The following PSME4 variants were observed in gnomAD, a reference collection of about 807,000 sequenced individuals.
PSME4 encodes the protein proteasome activator subunit 4.
PSME4 carries 89 observed loss-of-function variants against 253.9 expected under a neutral mutation model. The ratio of observed to expected loss-of-function variants is 0.35; its 90% CI spans 0.30 to 0.42. The LOEUF (loss-of-function observed/expected upper bound fraction) is 0.42, where lower values mean the gene tolerates loss of function less well. PSME4 is among the 10% of genes least tolerant of loss of function. The pLI, the probability that PSME4 is intolerant of heterozygous loss-of-function variation, is 1.00. For synonymous variants in PSME4, 851 were observed against 759.2 expected (o/e 1.12, Z -1.99); for missense variants, 2,014 against 2,195.2 (o/e 0.92, Z 1.65).
chr2:53,886,337 A>G (rs1277659904), intron 40 of PSME4, among the ~76,000 whole-genome samples: 1 of 152,194 alleles, frequency 6.6e-6, no homozygotes, highest in East Asian at 1.9e-4. Flanking sequence ...TGAGCCCCGG[A>G]GATTGAGGCT....
chr2:53,947,052 C>A (rs1050693526), intron 3 of PSME4, among the ~76,000 whole-genome samples: 10 of 152,114 alleles, frequency 6.6e-5, no homozygotes, highest in African/African-American at 2.4e-4. Flanking sequence ...AATGAGTTTC[C>A]TTGTTTTAAC....
rs1353610975 is a variant in PSME4, at chr2:53,954,779, T to G, written c.243-5496A>C. 4.0e-5 allele frequency among the ~76,000 whole-genome samples: 6 copies of G among 151,528 alleles called. No individual in the cohort carries two copies. The East Asian group carries it at 1.2e-3, about 29-fold the overall frequency. On this transcript the variant is annotated intron_variant, in intron 1 of 46. Coordinates refer to ENST00000404125, the MANE Select transcript of PSME4 (RefSeq NM_014614.3). ...TCAGTTGAACCCTGGATGTGGAGGT[T>G]GCAGTGAGCCAAGACTGTGCCACTG...
intron 36 of PSME4, among the ~76,000 whole-genome samples, chr2:53,891,668 T>C (rs1003463653): frequency 1.3e-5 from 2 of 151,986 alleles, no homozygotes; most frequent in Non-Finnish European, 2.9e-5. Context: ...GAGACCAGCC[T>C]GGCCACATGG....
At chr2:53,925,726 A>T in intron 13 of PSME4, 37 bp from the exon 14 acceptor site, 1 of 1,580,822 alleles carries the variant, frequency 6.3e-7, no homozygotes, top group Non-Finnish European at 8.7e-7. Context: ...TCAGCAACTA[A>T]AATCTGGTTT....
intron 12 of PSME4, among the ~76,000 whole-genome samples, chr2:53,926,690 G>A (rs1668571199): frequency 6.6e-6 from 1 of 150,848 alleles, no homozygotes; most frequent in Admixed American, 6.6e-5. Flanking sequence ...AATAGTTCTG[G>A]GGGCTGGGTA....
At chr2:53,957,263 G>A (rs1670278487) in intron 1 of PSME4, among the ~76,000 whole-genome samples, 1 of 152,144 alleles carries the variant, frequency 6.6e-6, no homozygotes, top group Admixed American at 6.5e-5. Flanking sequence ...GTAGTTTTGG[G>A]ATGATTTGAG....
chr2:53,930,050 AAAT>A lies in PSME4; in HGVS notation c.1317-1750_1317-1748del, dbSNP rs1573314550. On this transcript the variant is annotated intron_variant, in intron 10 of 46. Transcript: ENST00000404125. ...ATAAATAATAAATAAATAAATAAAT[AAAT>A]AATAAATTTTAAAAGGTGATGCCAC... 2.6e-5 allele frequency among the ~76,000 whole-genome samples: 4 copies of A among 151,814 alleles called. No individual in the cohort carries two copies. The South Asian group carries it at 8.3e-4, about 31-fold the overall frequency.
At chr2:53,928,327 T>C (rs750477957) in intron 10 of PSME4, 24 bp from the exon 11 acceptor site, 7 of 1,584,526 alleles carry the variant, frequency 4.4e-6, no homozygotes, top group Non-Finnish European at 5.2e-6. Flanking sequence ...ACAGAATTTT[T>C]AAAGTCTCCA....
Position 53,890,187 on chromosome 2 carries a change from G to T in PSME4, c.4213C>A (p.Leu1405Met). The T allele has an allele frequency of 6.2e-6, 10 of 1,613,718 alleles. No individual in the cohort carries two copies. The highest frequency in any genetic ancestry group is 8.5e-6 in the Non-Finnish European group (10 of 1,179,818). ...FEKVEKLWEL[L>M]CPLLRTALSN... ...AGTGCTGTTCTAAGCAGAGGGCACA[G>T]AAGCTCCCAAAGCTTCTCCACCTAC... Residue 1405 changes from leucine (L) to methionine (M), a missense_variant, in exon 37 of 47, where the codon CTG becomes ATG. Around this residue, in one of 4 missense-constraint regions of PSME4, gnomAD observed 403 missense variants for 556.1 expected, o/e 0.72. Transcript: ENST00000404125.
intron 28 of PSME4, among the ~76,000 whole-genome samples, chr2:53,900,883 C>A (rs13402778): frequency 0.12 from 18,372 of 152,064 alleles, 1,892 homozygotes; most frequent in African/African-American, 0.28. Context: ...TTTGCAAGTT[C>A]CTAGAAAATC....
At chr2:53,894,628 T>A (rs1328143271) in intron 34 of PSME4, among the ~76,000 whole-genome samples, 2 of 148,968 alleles carry the variant, frequency 1.3e-5, no homozygotes, top group African/African-American at 5.2e-5. Context: ...TTAACTGAAA[T>A]CTACCAACAT....
chr2:53,920,052 A>G (rs1286831064), intron 19 of PSME4, 141 bp downstream of exon 19: 18 of 764,322 alleles, frequency 2.4e-5, no homozygotes, highest in Non-Finnish European at 3.3e-5. Context: ...ACAACATTAT[A>G]TTAAATGATT....
chr2:53,940,989 A>G (rs1336349277), intron 3 of PSME4, among the ~76,000 whole-genome samples: 1 of 89,706 alleles, frequency 1.1e-5, no homozygotes, highest in Non-Finnish European at 2.5e-5. Context: ...ATATATATAT[A>G]TATATATATA....
intron 8 of PSME4, among the ~76,000 whole-genome samples, chr2:53,934,307 G>T (rs190570887): frequency 1.3e-5 from 2 of 152,274 alleles, no homozygotes; most frequent in East Asian, 3.9e-4. Context: ...ATCCTACCTT[G>T]GGAAAGTCTT....
At chr2:53,949,891 T>C (rs1365734264) in intron 1 of PSME4, among the ~76,000 whole-genome samples, 1 of 152,214 alleles carries the variant, frequency 6.6e-6, no homozygotes. Context: ...TAAAAATAGG[T>C]GTGGTAACAA....
rs1300243456 is a variant in PSME4, at chr2:53,923,083, G to C, written c.1944C>G (p.Pro648=). The C allele has an allele frequency of 2.5e-6, 4 of 1,607,458 alleles. No individual in the cohort carries two copies. Among genetic ancestry groups the C allele is most frequent in the Non-Finnish European group, 2.6e-6 (3 of 1,176,080 alleles). Residue 648 remains proline, a synonymous_variant, in exon 16 of 47, where the codon CCC becomes CCG. Coordinates refer to ENST00000404125, the MANE Select transcript of PSME4 (RefSeq NM_014614.3). ...CPEESLKLFV[P]HCCSVITQLT... ...GCTGAGTTATAACACTGCAGCAGTG[G>C]GGAACAAAGAGCTTCAAAGATTCTT... is the stretch of plus-strand genomic sequence containing the variant.
chr2:53,939,429 G>T (rs1669278443), intron 4 of PSME4, among the ~76,000 whole-genome samples: 1 of 152,114 alleles, frequency 6.6e-6, no homozygotes, highest in Non-Finnish European at 1.5e-5. Context: ...TTGATCATAT[G>T]AATATAGGAT....
rs781289729 is a variant in PSME4 at position 53,890,245 on chromosome 2, C to T, written c.4192-37G>A. On this transcript the variant is annotated intron_variant, in intron 36 of 46. Coordinates refer to ENST00000404125, the MANE Select transcript of PSME4 (RefSeq NM_014614.3). ...AAAATATATGGGTAAGAGTTAATGA[C>T]ACTCAGAACATTTTTCTTCAAATAT... 5 of 1,358,380 alleles carry T rather than the reference C, an allele frequency of 3.7e-6. No individual in the cohort carries two copies. The East Asian group carries it at 9.2e-5, about 25-fold the overall frequency. The allele number at this position is 1,358,380 out of a possible 1,614,324, so 84.1% of individuals were successfully genotyped here. A position where few individuals can be genotyped will look rare whatever the true frequency, so the allele number is the denominator to read the frequency against.
chr2:53,964,555 T>C (rs935257789), intron 1 of PSME4, among the ~76,000 whole-genome samples: 10 of 152,226 alleles, frequency 6.6e-5, no homozygotes, highest in Admixed American at 3.9e-4. Context: ...ACTGATGAGT[T>C]TGGTAACTTG....
Sources: gnomAD v4.1 joint callset for allele counts (sites outside exome capture counted in the v4.1 genomes callset) on GRCh38, gnomAD v4.1.1 for gene constraint, gnomAD v4.1.1 regional missense constraint, MANE v1.5 for transcripts, NCBI Gene and HGNC (gene_info 2026-07-23, HGNC 2026-07-21) for gene names.